The following LRP1B variants were observed in gnomAD, a reference collection of about 807,000 sequenced individuals.
LRP1B encodes the protein low-density lipoprotein receptor-related protein 1B.
LRP1B carries 217 observed loss-of-function variants against 556.6 expected under a neutral mutation model. The observed-to-expected ratio is 0.39, with a 90% CI of 0.35 to 0.44. The LOEUF is 0.44. Among genes scored for constraint, LRP1B ranks in the 20% least tolerant of loss-of-function variants. The pLI is 1.00. For synonymous variants in LRP1B, 2,047 were observed against 1,865.8 expected, an observed-to-expected ratio of 1.10 and a Z score of -2.50; for missense variants, 5,053 against 5,620.8, an observed-to-expected ratio of 0.90 and a Z score of 3.23.
intron 86 of LRP1B, among the ~76,000 whole-genome samples, chr2:140,268,919 T>G (rs190891744): frequency 1.3e-5 from 2 of 151,946 alleles, no homozygotes; most frequent in Non-Finnish European, 2.9e-5. Flanking sequence ...AAATCAAAAG[T>G]CAGTTACTAA....
At chr2:141,935,955 A>T (rs1365272624) in intron 1 of LRP1B, among the ~76,000 whole-genome samples, 1 of 152,210 alleles carries the variant, frequency 6.6e-6, no homozygotes, top group African/African-American at 2.4e-5. Flanking sequence ...ACATTAACAC[A>T]CTAAAAGAAA....
At chr2:140,307,363 T>C (rs905935150) in intron 83 of LRP1B, among the ~76,000 whole-genome samples, 37 of 151,870 alleles carry the variant, frequency 2.4e-4, no homozygotes, top group African/African-American at 8.9e-4. Context: ...ATATTGGCAT[T>C]ATTACTACTA....
At chr2:140,277,926 C>T (rs1682749418) in intron 84 of LRP1B, among the ~76,000 whole-genome samples, 1 of 151,830 alleles carries the variant, frequency 6.6e-6, no homozygotes, top group Non-Finnish European at 1.5e-5. Flanking sequence ...GAAACATACA[C>T]ATAATATGCA....
intron 25 of LRP1B, among the ~76,000 whole-genome samples, chr2:140,872,941 T>G (rs968044907): frequency 1.3e-5 from 2 of 152,078 alleles, no homozygotes; most frequent in African/African-American, 4.8e-5. Context: ...ACACAATGTT[T>G]CACCACTAAA....
chr2:141,925,584 G>T (rs1337726168), intron 1 of LRP1B, among the ~76,000 whole-genome samples: 1 of 152,186 alleles, frequency 6.6e-6, no homozygotes, highest in Admixed American at 6.5e-5. Flanking sequence ...CAATGTCCTG[G>T]AAATGACCCT....
intron 41 of LRP1B, chr2:140,683,724 T>A (rs921083840): frequency 7.7e-6 from 6 of 781,376 alleles, no homozygotes; most frequent in Admixed American, 1.8e-5. Flanking sequence ...CACTCTGTGC[T>A]CCCCGGGCTA....
chr2:141,110,418 C>T (rs1013751020), intron 7 of LRP1B, among the ~76,000 whole-genome samples: 2 of 152,014 alleles, frequency 1.3e-5, no homozygotes, highest in Non-Finnish European at 2.9e-5. Context: ...ATTAAACTGC[C>T]AAAGGACAGA....
At chr2:142,051,442 T>C (rs911322998) in intron 1 of LRP1B, among the ~76,000 whole-genome samples, 2 of 150,286 alleles carry the variant, frequency 1.3e-5, no homozygotes, top group South Asian at 4.2e-4. Flanking sequence ...AAGTAACTAA[T>C]AGGGGCATAA....
At chr2:141,363,217 C>T (rs1159352822) in intron 3 of LRP1B, among the ~76,000 whole-genome samples, 5 of 152,134 alleles carry the variant, frequency 3.3e-5, no homozygotes, top group African/African-American at 4.8e-5. Flanking sequence ...CAATCTTAAC[C>T]ATTCTTCAAA....
intron 31 of LRP1B, among the ~76,000 whole-genome samples, chr2:140,828,109 A>C (rs563599665): frequency 6.6e-6 from 1 of 152,272 alleles, no homozygotes; most frequent in African/African-American, 2.4e-5. Context: ...TCCTACAAAA[A>C]AAAACTCTAA....
intron 49 of LRP1B, among the ~76,000 whole-genome samples, chr2:140,519,945 A>G (rs1464306539): frequency 6.6e-6 from 1 of 152,196 alleles, no homozygotes; most frequent in Non-Finnish European, 1.5e-5. Flanking sequence ...AATGGCGATC[A>G]TTAAAAAGTC....
At chr2:141,932,990 A>C (rs1700545101) in intron 1 of LRP1B, among the ~76,000 whole-genome samples, 1 of 152,022 alleles carries the variant, frequency 6.6e-6, no homozygotes, top group African/African-American at 2.4e-5. Flanking sequence ...TGTTTATGTA[A>C]CTGTTAATTC....
intron 2 of LRP1B, among the ~76,000 whole-genome samples, chr2:141,508,099 AAG>A (rs1323614491): frequency 3.0e-4 from 46 of 151,608 alleles, no homozygotes; most frequent in African/African-American, 9.9e-4. Context: ...CCCAAAAAAA[AAG>A]AAAGAAAAGA....
At position 141,292,878 on chromosome 2, in the gene LRP1B, G is replaced by A. The variant is rs143091121; in HGVS notation, c.344-38237C>T. Reference sequence around the variant, plus strand: ...TAAAGGATACTAGGTAAAAACTAAGGAAATCTGAATAATGCATGAACTTTA... The same window carrying A: ...TAAAGGATACTAGGTAAAAACTAAGAAAATCTGAATAATGCATGAACTTTA... On this transcript the variant is annotated intron_variant, in intron 3 of 90. Coordinates refer to ENST00000389484, the MANE Select transcript of LRP1B (RefSeq NM_018557.3). Among the ~76,000 whole-genome samples, 33 of 152,206 alleles carry A rather than the reference G, an allele frequency of 2.2e-4. 1 individual carries two copies. In the East Asian group the frequency reaches 6.2e-3, roughly 29 times the overall value.
chr2:141,924,256 G>A (rs911190912), intron 1 of LRP1B, among the ~76,000 whole-genome samples: 9 of 151,954 alleles, frequency 5.9e-5, no homozygotes, highest in Non-Finnish European at 1.0e-4. Flanking sequence ...CTGAACACCA[G>A]GAGGAGTACA....
chr2:141,830,451 C>G (rs1485578528), intron 1 of LRP1B, among the ~76,000 whole-genome samples: 5 of 151,882 alleles, frequency 3.3e-5, no homozygotes, highest in Admixed American at 3.3e-4. Flanking sequence ...CTCCCCTTCT[C>G]TCAGCATATC....
chr2:141,031,449 C>G (rs574301083), intron 11 of LRP1B, among the ~76,000 whole-genome samples: 59 of 151,860 alleles, frequency 3.9e-4, no homozygotes, highest in African/African-American at 1.3e-3. Flanking sequence ...TAAAATGAAA[C>G]AAGAAGGCCA....
At chr2:140,311,260 A>G (rs1270604823) in intron 83 of LRP1B, among the ~76,000 whole-genome samples, 1 of 151,920 alleles carries the variant, frequency 6.6e-6, no homozygotes, top group Non-Finnish European at 1.5e-5. Flanking sequence ...CACAACAGGA[A>G]AAATATGCAG....
chr2:140,923,538 A>C (rs1429995230), intron 20 of LRP1B, among the ~76,000 whole-genome samples: 1 of 152,100 alleles, frequency 6.6e-6, no homozygotes, highest in East Asian at 1.9e-4. Context: ...CTTAATGATA[A>C]GACCTTGACT....
Sources: allele counts gnomAD v4.1 joint callset (sites outside exome capture counted in the v4.1 genomes callset), GRCh38; gene constraint gnomAD v4.1.1; transcripts MANE v1.5; gene names NCBI Gene and HGNC (gene_info 2026-07-23, HGNC 2026-07-21).